MRPS7: variants seen among roughly 807,000 people sequenced by gnomAD.
MRPS7 encodes the protein mitochondrial ribosomal protein S7.
A neutral mutation model predicts 26.2 loss-of-function variants in MRPS7; 13 were observed. The ratio of observed to expected loss-of-function variants is 0.50; its 90% confidence interval spans 0.32 to 0.79. MRPS7 has a LOEUF of 0.79. Among genes scored for constraint, MRPS7 ranks in the 30% least tolerant of loss-of-function variants. MRPS7 has a pLI of 0.03. For missense variants in MRPS7, 318 were observed against 312.2 expected (o/e 1.02, Z -0.14); for synonymous variants, 129 against 113.3 (o/e 1.14, Z -0.88).
intron 1 of MRPS7, 109 bp from the exon 2 acceptor site, chr17:75,262,388 C>T (rs767162846): frequency 1.1e-5 from 14 of 1,277,138 alleles, no homozygotes; most frequent in African/African-American, 1.5e-5. Context: ...TCGCGGTCTC[C>T]GCGCCGCTCC....
intron 1 of MRPS7, 117 bp from the exon 2 acceptor site, chr17:75,262,380 G>A (rs764312489): frequency 1.7e-6 from 2 of 1,147,138 alleles, no homozygotes; most frequent in Non-Finnish European, 2.5e-6. Flanking sequence ...GGTTTAGCTC[G>A]CGGTCTCCGC....
At chr17:75,263,099 A>G in intron 3 of MRPS7, 1 of 632,486 alleles carries the variant, frequency 1.6e-6, no homozygotes, top group Non-Finnish European at 2.7e-6. Context: ...ATAAAAAATA[A>G]AACAACTGCC....
intron 4 of MRPS7, among the ~76,000 whole-genome samples, chr17:75,264,728 A>G (rs1336544528): frequency 1.4e-5 from 2 of 147,962 alleles, no homozygotes; most frequent in African/African-American, 5.0e-5. Context: ...ACTGGAGTGC[A>G]GTGCTGTAAT....
Position 75,265,961 on chromosome 17 carries a change from AAC to A in MRPS7, c.*40_*41del. The A allele has an allele frequency of 6.3e-7, 1 of 1,595,034 alleles. No homozygotes were observed. The highest frequency in any genetic ancestry group is 8.6e-7 in the Non-Finnish European group (1 of 1,165,972). On this transcript the variant is annotated 3_prime_UTR_variant, in exon 5 of 5. Coordinates refer to ENST00000245539, the MANE Select transcript of MRPS7 (RefSeq NM_015971.4). Reference sequence around the variant, plus strand: ...GAGCCCAGGGCCCTCTGCCGCAAGAAACAGTGTGAGCTACTGCCACGCTGAAA... The same window carrying A: ...GAGCCCAGGGCCCTCTGCCGCAAGAAAGTGTGAGCTACTGCCACGCTGAAA...
chr17:75,264,424 C>G (rs1436050867), intron 4 of MRPS7: 1 of 152,196 alleles, frequency 6.6e-6, no homozygotes, highest in Non-Finnish European at 1.5e-5. Flanking sequence ...ATAACTGATG[C>G]TTCATCAGTG....
chr17:75,263,044 C>G (rs1333628611), intron 3 of MRPS7, 177 bp downstream of exon 3: 1 of 668,622 alleles, frequency 1.5e-6, no homozygotes, highest in East Asian at 2.8e-5. Context: ...ACTGCCATTC[C>G]TTGGTGTTTC....
At position 75,262,617 on chromosome 17, in the gene MRPS7, C is replaced by T. The variant is rs754133805; in HGVS notation, c.204C>T (p.Leu68=). 9.3e-6 allele frequency: 15 copies of T among 1,613,968 alleles called. 1 individual carries two copies. The highest frequency in any genetic ancestry group is 6.7e-5 in the East Asian group (3 of 44,904). ...AGGAGGAGAAATATGTTCGGGAGCT[C>T]AAGAAGACTCAGCTCATCAAAGCTG... ...LTEEEKYVRE[L]KKTQLIKAAP... The change falls in exon 2 of 5, where the codon CTC becomes CTT. Residue 68 remains leucine, a synonymous_variant. Transcript: ENST00000245539.
intron 3 of MRPS7, 50 bp from the exon 4 acceptor site, chr17:75,263,290 A>G: frequency 1.2e-6 from 2 of 1,608,344 alleles, no homozygotes; most frequent in South Asian, 1.1e-5. Flanking sequence ...TTGGCTGGGT[A>G]AACCCTTTAG....
intron 3 of MRPS7, chr17:75,263,133 C>G (rs922747594): frequency 7.7e-6 from 5 of 648,758 alleles, no homozygotes; most frequent in East Asian, 2.8e-5. Flanking sequence ...CCCCCCACCC[C>G]CTCCATGCCA....
intron 1 of MRPS7, 112 bp from the exon 2 acceptor site, chr17:75,262,385 C>A: frequency 8.1e-7 from 1 of 1,235,838 alleles, no homozygotes; most frequent in Non-Finnish European, 1.1e-6. Context: ...AGCTCGCGGT[C>A]TCCGCGCCGC....
At chr17:75,263,610 A>G in intron 4 of MRPS7, 103 bp downstream of exon 4, 1 of 1,447,362 alleles carries the variant, frequency 6.9e-7, no homozygotes, top group East Asian at 2.3e-5. Flanking sequence ...TAGCTGGTGC[A>G]GTGGGATTGC....
rs1275234007 is a variant in MRPS7, at chr17:75,266,096, G to C, written c.*173G>C. 2.2e-5 allele frequency: 14 copies of C among 633,780 alleles called. No individual in the cohort carries two copies. The highest frequency in any genetic ancestry group is 3.8e-5 in the Non-Finnish European group (14 of 367,524). 39.3% of individuals were successfully genotyped at this position (633,780 alleles called of 1,614,324 possible). On this transcript the variant is annotated 3_prime_UTR_variant, in exon 5 of 5. Transcript: ENST00000245539. ...GTTAATCCTTCTTTCTTTGAGGCTG[G>C]AACTTGCTCTCTCTGCCCCTATTTC... is the stretch of plus-strand genomic sequence containing the variant.
At chr17:75,263,708 G>A (rs969134690) in intron 4 of MRPS7, 10 of 666,838 alleles carry the variant, frequency 1.5e-5, no homozygotes, top group South Asian at 3.9e-5. Flanking sequence ...GGGAGATCCC[G>A]TCTCTACAAA....
Position 75,262,642 on chromosome 17 carries a change from G to T in MRPS7, c.229G>T (p.Ala77Ser). 1 of 1,614,142 alleles carries T rather than the reference G, an allele frequency of 6.2e-7. No homozygotes were observed. ...CAAGAAGACTCAGCTCATCAAAGCTGCTCCAGCAGGGAAAACAAGTTCTGT... is the reference window on the plus strand; with the variant it reads ...CAAGAAGACTCAGCTCATCAAAGCTTCTCCAGCAGGGAAAACAAGTTCTGT... ...ELKKTQLIKA[A>S]PAGKTSSVFE... The change falls in exon 2 of 5, where the codon GCT (alanine) becomes TCT (serine). Residue 77 changes from alanine to serine, a missense_variant. Ala to Ser is a moderately conservative substitution (Grantham distance 99, BLOSUM62 1). Coordinates refer to ENST00000245539, the MANE Select transcript of MRPS7 (RefSeq NM_015971.4).
rs977647630 is a variant in MRPS7 at position 75,266,201 on chromosome 17, G to A, written c.*278G>A. ...GTTTTCTCTTCCCTTAGGTTGGGGCGGACCTTTGGATATATAAAGGAAGCA... is the reference window on the plus strand; with the variant it reads ...GTTTTCTCTTCCCTTAGGTTGGGGCAGACCTTTGGATATATAAAGGAAGCA... On this transcript the variant is annotated 3_prime_UTR_variant, in exon 5 of 5. Transcript: ENST00000245539. 4 of 507,394 alleles carry A rather than the reference G, an allele frequency of 7.9e-6. No individual in the cohort carries two copies. Among genetic ancestry groups the A allele is most frequent in the African/African-American group, 7.7e-5 (4 of 52,030 alleles). The allele number at this position is 507,394 out of a possible 1,614,324, so 31.4% of individuals were successfully genotyped here.
chr17:75,262,087 G>A (rs1353124025), intron 1 of MRPS7, 104 bp downstream of exon 1: 9 of 1,351,780 alleles, frequency 6.7e-6, no homozygotes, highest in South Asian at 1.2e-5. Context: ...GGGGGCCGGA[G>A]TATCTGGATT....
rs1271632296 is a variant in MRPS7, at chr17:75,261,897, C to G, written c.-4C>G. 1.2e-6 allele frequency: 2 copies of G among 1,608,284 alleles called. No homozygotes were observed. Among genetic ancestry groups the G allele is most frequent in the African/African-American group, 2.7e-5 (2 of 74,918 alleles). On this transcript the variant is annotated 5_prime_UTR_variant, in exon 1 of 5. Transcript: ENST00000245539. ...TCCTTGTGGGGTCCTCGTGGCCAGC[C>G]AAGATGGCTGCCCCCGCAGTGAAGG...
rs778721975 is a variant in MRPS7 at position 75,263,501 on chromosome 17, C to G, written c.501C>G (p.Phe167Leu). 6.2e-7 allele frequency: 1 copy of G among 1,613,942 alleles called. No homozygotes were observed. The highest frequency in any genetic ancestry group is 2.2e-5 in the East Asian group (1 of 44,884). ...GLVPILKGGR[F>L]YQVPVPLPDR... is the part of the protein sequence containing the mutation. ...TACCCATCCTCAAGGGAGGCCGTTTCTACCAGGTGAATGAATGGCCAGGGC... is the reference window on the plus strand; with the variant it reads ...TACCCATCCTCAAGGGAGGCCGTTTGTACCAGGTGAATGAATGGCCAGGGC... The change falls in exon 4 of 5, where the codon TTC becomes TTG. Residue 167 changes from phenylalanine (F) to leucine (L), a missense_variant. Physicochemically the swap from Phe to Leu is conservative, Grantham distance 22 (BLOSUM62 0). Coordinates refer to ENST00000245539, the MANE Select transcript of MRPS7 (RefSeq NM_015971.4).
chr17:75,261,911 C>A lies in MRPS7; in HGVS notation c.11C>A (p.Pro4His). Reference protein sequence around the residue: MAAPAVKVARGWSG... With the variant: MAAHAVKVARGWSG... ...TCGTGGCCAGCCAAGATGGCTGCCC[C>A]CGCAGTGAAGGTTGCCCGAGGATGG... Residue 4 changes from proline to histidine, a missense_variant, in exon 1 of 5, where the codon CCC (proline) becomes CAC (histidine). Pro to His is a moderately conservative substitution (Grantham distance 77, BLOSUM62 -2). Coordinates refer to ENST00000245539, the MANE Select transcript of MRPS7 (RefSeq NM_015971.4). The A allele has an allele frequency of 6.2e-7, 1 of 1,608,940 alleles. No homozygotes were observed. Among genetic ancestry groups the A allele is most frequent in the Middle Eastern group, 1.6e-4 (1 of 6,062 alleles).
Sources: allele counts gnomAD v4.1 joint callset (sites outside exome capture counted in the v4.1 genomes callset), GRCh38; gene constraint gnomAD v4.1.1; transcripts MANE v1.5; gene names NCBI Gene and HGNC (gene_info 2026-07-23, HGNC 2026-07-21).